DOCK1: variants seen among roughly 807,000 people sequenced by gnomAD.
DOCK1 encodes dedicator of cytokinesis 1.
In DOCK1, 138 loss-of-function variants were observed where a neutral mutation model predicts 262.7. The ratio of observed to expected loss-of-function variants is 0.53; its 90% confidence interval spans 0.46 to 0.61. DOCK1 has a LOEUF of 0.61. Ranked by LOEUF, DOCK1 falls within the 20% of genes least tolerant of loss-of-function variation. The pLI is 0.00. For missense variants in DOCK1, 1,908 were observed against 2,370.7 expected (o/e 0.80, Z 4.05); for synonymous variants, 866 against 867.4 (o/e 1.00, Z 0.03).
At chr10:127,189,165 C>T (rs374832464) in intron 27 of DOCK1, among the ~76,000 whole-genome samples, 30 of 152,306 alleles carry the variant, frequency 2.0e-4, no homozygotes, top group African/African-American at 7.0e-4. Context: ...AAGGTTCCAA[C>T]CTTGAGTGGC....
chr10:126,934,136 A>C (rs1439694521), intron 1 of DOCK1, among the ~76,000 whole-genome samples: 1 of 151,808 alleles, frequency 6.6e-6, no homozygotes, highest in African/African-American at 2.4e-5. Context: ...CTTAAAACTC[A>C]GATTTTTTTT....
intron 27 of DOCK1, among the ~76,000 whole-genome samples, chr10:127,189,015 C>T (rs181379128): frequency 2.4e-4 from 37 of 152,202 alleles, no homozygotes; most frequent in Admixed American, 3.3e-4. Flanking sequence ...CTCAGGTGGT[C>T]GGCTCCTAGG....
intron 1 of DOCK1, among the ~76,000 whole-genome samples, chr10:126,947,810 G>GTGA (rs2035650119): frequency 1.8e-5 from 2 of 112,044 alleles, no homozygotes; most frequent in Non-Finnish European, 3.6e-5. Context: ...ACTGTTGGTG[G>GTGA]TGGTGGTGGT....
At chr10:127,404,234 G>T in intron 39 of DOCK1, 91 bp from the exon 40 acceptor site, 25 of 995,418 alleles carry the variant, frequency 2.5e-5, no homozygotes, top group East Asian at 8.2e-5. Context: ...TATAGAAGTT[G>T]CCAGAGCTTT....
chr10:127,230,094 C>T (rs1406904428), intron 27 of DOCK1, among the ~76,000 whole-genome samples: 2 of 152,076 alleles, frequency 1.3e-5, no homozygotes, highest in African/African-American at 4.8e-5. Context: ...TTTCCTTTGC[C>T]CCTTTTTAAA....
intron 40 of DOCK1, among the ~76,000 whole-genome samples, chr10:127,408,734 C>T (rs2067667382): frequency 6.6e-6 from 1 of 152,148 alleles, no homozygotes; most frequent in African/African-American, 2.4e-5. Flanking sequence ...TCTGAGTGCT[C>T]ATTTGGTTTT....
chr10:127,204,748 T>C (rs2057634872), intron 27 of DOCK1, among the ~76,000 whole-genome samples: 2 of 152,240 alleles, frequency 1.3e-5, no homozygotes, highest in Admixed American at 1.3e-4. Flanking sequence ...TGTTTCAGAA[T>C]TTGTTAAACA....
chr10:127,137,254 C>G (rs2050780000), intron 27 of DOCK1: 1 of 152,542 alleles, frequency 6.6e-6, no homozygotes, highest in Non-Finnish European at 1.5e-5. Flanking sequence ...TGGCTTAGCG[C>G]TATAGCACAT....
chr10:127,064,366 G>C (rs1278936001), intron 23 of DOCK1, among the ~76,000 whole-genome samples: 1 of 152,146 alleles, frequency 6.6e-6, no homozygotes, highest in Non-Finnish European at 1.5e-5. Flanking sequence ...AGTCAGCCAC[G>C]GGGTTTTACG....
chr10:127,220,203 G>A (rs2058373547), intron 27 of DOCK1, among the ~76,000 whole-genome samples: 1 of 151,810 alleles, frequency 6.6e-6, no homozygotes, highest in Admixed American at 6.6e-5. Flanking sequence ...CAGTTGATGT[G>A]ATATTTAAAT....
At chr10:126,963,640 C>CTCCCCTCCTTCCTTCCTTCCTTCCTTCCT (rs1554962854) in intron 1 of DOCK1, among the ~76,000 whole-genome samples, 1 of 65,098 alleles carries the variant, frequency 1.5e-5, no homozygotes, top group African/African-American at 6.7e-5. Context: ...CTTCCCTTCC[C>CTCCCCTCCTTCCTTCCTTCCTTCCTTCCT]TCCTTCCTTC....
At chr10:127,004,763 TG>T (rs2040873292) in intron 10 of DOCK1, among the ~76,000 whole-genome samples, 35 of 8,524 alleles carry the variant, frequency 4.1e-3, no homozygotes, top group Middle Eastern at 0.05. Flanking sequence ...AACGGCCCCC[TG>T]CCCCGCCACC....
chr10:127,129,147 G>A (rs2050153309), intron 27 of DOCK1, among the ~76,000 whole-genome samples: 1 of 152,192 alleles, frequency 6.6e-6, no homozygotes, highest in Non-Finnish European at 1.5e-5. Context: ...TCCGTGTCGT[G>A]TGCGTCACAG....
At chr10:127,037,289 GTTATT>G (rs1447902148) in intron 18 of DOCK1, among the ~76,000 whole-genome samples, 2 of 152,092 alleles carry the variant, frequency 1.3e-5, no homozygotes, top group African/African-American at 4.8e-5. Flanking sequence ...ATTTGTGTTA[GTTATT>G]TTATTTATAT....
chr10:127,028,993 G>A (rs1021446335), intron 16 of DOCK1, among the ~76,000 whole-genome samples: 2 of 152,324 alleles, frequency 1.3e-5, no homozygotes, highest in Non-Finnish European at 2.9e-5. Flanking sequence ...TTACGCTCCC[G>A]TCTTTTAACA....
At chr10:127,116,533 A>G (rs1286371099) in intron 25 of DOCK1, among the ~76,000 whole-genome samples, 1 of 152,192 alleles carries the variant, frequency 6.6e-6, no homozygotes, top group Non-Finnish European at 1.5e-5. Context: ...AGAAATTTAT[A>G]TCTCAAAAAT....
At chr10:127,340,321 C>T (rs952935779) in intron 30 of DOCK1, among the ~76,000 whole-genome samples, 1 of 152,170 alleles carries the variant, frequency 6.6e-6, no homozygotes, top group Non-Finnish European at 1.5e-5. Context: ...CTCACTGCCC[C>T]TCTGCAGGGA....
chr10:127,427,524 T>C (rs1032206845), intron 47 of DOCK1, among the ~76,000 whole-genome samples: 2 of 152,178 alleles, frequency 1.3e-5, no homozygotes, highest in African/African-American at 4.8e-5. Flanking sequence ...AAGCAGGCAC[T>C]GCAGTCACCT....
At chr10:127,414,699 TATCAGAAC>T (rs1482464011) in intron 43 of DOCK1, among the ~76,000 whole-genome samples, 2 of 151,560 alleles carry the variant, frequency 1.3e-5, no homozygotes, top group African/African-American at 4.8e-5. Context: ...CGACTGGTTT[TATCAGAAC>T]ATCAGAGGTC....
Sources: allele counts gnomAD v4.1 joint callset (sites outside exome capture counted in the v4.1 genomes callset), GRCh38; gene constraint gnomAD v4.1.1; transcripts MANE v1.5; gene names NCBI Gene and HGNC (gene_info 2026-07-23, HGNC 2026-07-21).